TBC1D9B: variants seen among roughly 807,000 people sequenced by gnomAD.
The protein encoded by TBC1D9B is TBC1 domain family member 9B.
TBC1D9B carries 87 observed loss-of-function variants against 121.1 expected under a neutral mutation model. The observed-to-expected ratio is 0.72, with a 90% CI of 0.60 to 0.86. The LOEUF (loss-of-function observed/expected upper bound fraction) is 0.86. TBC1D9B is among the 40% of genes least tolerant of loss of function. The pLI is 0.00. For missense variants in TBC1D9B, 1,540 were observed against 1,628.6 expected, an observed-to-expected ratio of 0.95 and a Z score of 0.94; for synonymous variants, 668 against 670.1, an observed-to-expected ratio of 1.00 and a Z score of 0.05.
Position 179,868,166 on chromosome 5 carries a change from G to C in TBC1D9B, c.2792-317C>G, listed in dbSNP as rs143651185. ...GATTCTCCCACCTCAGCCTCCCAAA[G>C]TGCTGGGATTACAGGCGTGAGCCAC... is the stretch of plus-strand genomic sequence containing the variant. On this transcript the variant is annotated intron_variant, in intron 17 of 20. Coordinates refer to ENST00000355235, the MANE Select transcript of TBC1D9B (RefSeq NM_015043.4). The C allele has an allele frequency of 4.7e-3, 925 of 194,764 alleles. 17 individuals carry two copies. In the East Asian group the frequency reaches 0.069, roughly 15 times the overall value. 12.1% of individuals were successfully genotyped at this position (194,764 alleles called of 1,614,324 possible).
In TBC1D9B at chr5:179,864,062, G is replaced by T. The variant is rs201894738; in HGVS notation, c.3088C>A (p.Leu1030Met). ...GCCACGGTGGCGATGGCGTGGTACA[G>T]GTCCTGCTCCATGGGGTCTTCACTG... Reference protein sequence around the residue: ...MFSEDPMEQDLYHAIATVASL... With the variant: ...MFSEDPMEQDMYHAIATVASL... The change falls in exon 21 of 21, where the codon CTG becomes ATG. Residue 1030 changes from leucine (L) to methionine (M), a missense_variant. By Grantham distance (15) the Leu-to-Met change is conservative (BLOSUM62 2). Coordinates refer to ENST00000355235, the MANE Select transcript of TBC1D9B (RefSeq NM_015043.4). 5.9e-5 allele frequency: 95 copies of T among 1,613,590 alleles called. 1 individual carries two copies. Among genetic ancestry groups the T allele is most frequent in the Non-Finnish European group, 1.0e-5 (12 of 1,180,042 alleles).
rs1443539005 is a variant in TBC1D9B, at chr5:179,907,194, G to A, written c.118+510C>T. Among the ~76,000 whole-genome samples, 1 of 152,174 alleles carries A rather than the reference G, an allele frequency of 6.6e-6. No homozygotes were observed. Among genetic ancestry groups the A allele is most frequent in the African/African-American group, 2.4e-5 (1 of 41,454 alleles). ...GGGAGGAGAAGCTGGGGGAATGGGG[G>A]TGCGGCCAGCTCCAGGGACCTCTGA... On this transcript the variant is annotated intron_variant, in intron 1 of 20. Coordinates refer to ENST00000355235, the MANE Select transcript of TBC1D9B (RefSeq NM_015043.4). This position sits in a 1 kb window ranked among gnomAD's most constrained non-coding sequence, Gnocchi z 5.3.
At chr5:179,867,611 C>A in intron 18 of TBC1D9B, 167 bp downstream of exon 18, 1 of 1,487,794 alleles carries the variant, frequency 6.7e-7, no homozygotes, top group Non-Finnish European at 9.2e-7. Context: ...CGGCCCCAGC[C>A]CCCGCCAGCA....
At chr5:179,906,633 A>G (rs1470590027) in intron 1 of TBC1D9B, among the ~76,000 whole-genome samples, 1 of 152,208 alleles carries the variant, frequency 6.6e-6, no homozygotes, top group Non-Finnish European at 1.5e-5. Flanking sequence ...AGGCGGGTCC[A>G]GAACAGGAGC....
rs30385 is a variant in TBC1D9B at position 179,865,010 on chromosome 5, T to C, written c.3021+244A>G. On this transcript the variant is annotated intron_variant, in intron 20 of 20. Transcript: ENST00000355235. The surrounding 1 kb of genome is among the most constrained non-coding windows in gnomAD (Gnocchi z 5.1). ...TTGTCAAAGGTAGCCTACAAGCCTC[T>C]GGCTCCTGGTTCACAGACACTCACT... Among the ~76,000 whole-genome samples, 89,157 of 152,152 alleles carry C rather than the reference T, an allele frequency of 0.59. 29,078 individuals are homozygous for C. Among genetic ancestry groups the C allele is most frequent in the African/African-American group, 0.86 (35,887 of 41,542 alleles).
Position 179,865,697 on chromosome 5 carries a change from G to A in TBC1D9B, c.2914+141C>T, listed in dbSNP as rs1014006279. ...GAGCGTGGAGCCTCCTGTGCATCCCGAGGCCTGCTCCCTGATCGGGGGACG... is the reference window on the plus strand; with the variant it reads ...GAGCGTGGAGCCTCCTGTGCATCCCAAGGCCTGCTCCCTGATCGGGGGACG... On this transcript the variant is annotated intron_variant, in intron 19 of 20. Coordinates refer to ENST00000355235, the MANE Select transcript of TBC1D9B (RefSeq NM_015043.4). This position sits in a 1 kb window ranked among gnomAD's most constrained non-coding sequence, Gnocchi z 5.1. 1.2e-5 allele frequency: 12 copies of A among 973,850 alleles called. No individual in the cohort carries two copies. Among genetic ancestry groups the A allele is most frequent in the Middle Eastern group, 3.1e-4 (1 of 3,272 alleles). The allele number at this position is 973,850 out of a possible 1,614,324, so 60.3% of individuals were successfully genotyped here.
At position 179,875,883 on chromosome 5, in the gene TBC1D9B, T is replaced by G. The variant is rs369593203; in HGVS notation, c.1900+37A>C. On this transcript the variant is annotated intron_variant, in intron 11 of 20. Coordinates refer to ENST00000355235, the MANE Select transcript of TBC1D9B (RefSeq NM_015043.4). This position sits in a 1 kb window ranked among gnomAD's most constrained non-coding sequence, Gnocchi z 4.5. ...CACCCTCATGGAACCAGCAGGCACC[T>G]GGAGACCCAGGCGAGGCAGCACCCG... 19 of 1,532,126 alleles carry G rather than the reference T, an allele frequency of 1.2e-5. No homozygotes were observed. The highest frequency in any genetic ancestry group is 1.7e-5 in the Non-Finnish European group (19 of 1,133,590). 94.9% of individuals were successfully genotyped at this position (1,532,126 alleles called of 1,614,324 possible).
At chr5:179,906,197 T>A (rs1231439702) in intron 1 of TBC1D9B, among the ~76,000 whole-genome samples, 3 of 152,224 alleles carry the variant, frequency 2.0e-5, no homozygotes, top group African/African-American at 7.2e-5. Context: ...AGGACAGTAC[T>A]CAGGAGGCCA....
chr5:179,907,726 G>A lies in TBC1D9B; in HGVS notation c.96C>T (p.His32=). The change falls in exon 1 of 21, where the codon CAC becomes CAT. Residue 32 remains histidine (H), a synonymous_variant. Coordinates refer to ENST00000355235, the MANE Select transcript of TBC1D9B (RefSeq NM_015043.4). This position sits in a 1 kb window ranked among gnomAD's most constrained non-coding sequence, Gnocchi z 5.3. Reference sequence around the variant, plus strand: ...CACCCGTAAGGCCGCCGCCCCTGCCGTGGCCCCGGCGTCGCTGCAGCACGA... The same window carrying A: ...CACCCGTAAGGCCGCCGCCCCTGCCATGGCCCCGGCGTCGCTGCAGCACGA... ...PFFVLQRRRG[H]GRGGGLTGLL... 3.4e-6 allele frequency: 4 copies of A among 1,183,332 alleles called. No homozygotes were observed. Among genetic ancestry groups the A allele is most frequent in the South Asian group, 1.5e-5 (1 of 64,692 alleles). The allele number at this position is 1,183,332 out of a possible 1,614,324, so 73.3% of individuals were successfully genotyped here. A position where few individuals can be genotyped will look rare whatever the true frequency, so the allele number is the denominator to read the frequency against.
Position 179,891,548 on chromosome 5 carries a change from G to A in TBC1D9B, c.875C>T (p.Ala292Val). ...CTCATCCCTGGGCAGCCGGAACGTG[G>A]CTCGGTAGCACTCATTCTTGGCTCG... Reference protein sequence around the residue: ...DARAKNECYRATFRLPRDERL... With the variant: ...DARAKNECYRVTFRLPRDERL... The change falls in exon 6 of 21, where the codon GCC becomes GTC. Residue 292 changes from alanine (A) to valine (V), a missense_variant. Ala to Val is a moderately conservative substitution (Grantham distance 64, BLOSUM62 0). Coordinates refer to ENST00000355235, the MANE Select transcript of TBC1D9B (RefSeq NM_015043.4). The surrounding 1 kb of genome is among the most constrained non-coding windows in gnomAD (Gnocchi z 4.3). 6.2e-7 allele frequency: 1 copy of A among 1,613,838 alleles called. No homozygotes were observed.
chr5:179,891,090 A>C lies in TBC1D9B; in HGVS notation c.1044+289T>G, dbSNP rs566930012. Reference sequence around the variant, plus strand: ...GGGCCCAGAAGGCAGGCCTGATGGAAACTCACGCGTGGGAGACCCTGTCTC... The same window carrying C: ...GGGCCCAGAAGGCAGGCCTGATGGACACTCACGCGTGGGAGACCCTGTCTC... On this transcript the variant is annotated intron_variant, in intron 6 of 20. Transcript: ENST00000355235. This position sits in a 1 kb window ranked among gnomAD's most constrained non-coding sequence, Gnocchi z 4.3. 5.3e-5 allele frequency among the ~76,000 whole-genome samples: 8 copies of C among 152,310 alleles called. No homozygotes were observed. The East Asian group carries it at 1.2e-3, about 22-fold the overall frequency.
At chr5:179,888,023 G>A (rs1760741917) in intron 7 of TBC1D9B, 80 bp downstream of exon 7, 1 of 1,561,042 alleles carries the variant, frequency 6.4e-7, no homozygotes, top group Non-Finnish European at 8.8e-7. Flanking sequence ...CATGGGGTCA[G>A]GCTCCAGCGG....
At chr5:179,867,984 C>G (rs1461821846) in intron 17 of TBC1D9B, 135 bp from the exon 18 acceptor site, 2 of 648,868 alleles carry the variant, frequency 3.1e-6, no homozygotes, top group African/African-American at 1.8e-5. Context: ...CTGCCCATGA[C>G]AGTGCCCGGT....
chr5:179,870,175 C>T lies in TBC1D9B; in HGVS notation c.2725+80G>A, dbSNP rs1036543978. ...CCCTACTTGCTGCAGGGGGAACAGA[C>T]AGGAGATGCTGGCATTTGGAGGCTT... On this transcript the variant is annotated intron_variant, in intron 16 of 20. Coordinates refer to ENST00000355235, the MANE Select transcript of TBC1D9B (RefSeq NM_015043.4). The T allele has an allele frequency of 4.4e-6, 7 of 1,577,832 alleles. No individual in the cohort carries two copies. The African/African-American group carries it at 9.4e-5, about 21-fold the overall frequency.
Position 179,904,918 on chromosome 5 carries a change from G to A in TBC1D9B, c.119-106C>T. 1.2e-6 allele frequency: 1 copy of A among 834,138 alleles called. No individual in the cohort carries two copies. The highest frequency in any genetic ancestry group is 2.9e-5 in the East Asian group (1 of 33,900). The allele number at this position is 834,138 out of a possible 1,614,324, so 51.7% of individuals were successfully genotyped here. On this transcript the variant is annotated intron_variant, in intron 1 of 20. Coordinates refer to ENST00000355235, the MANE Select transcript of TBC1D9B (RefSeq NM_015043.4). This position sits in a 1 kb window ranked among gnomAD's most constrained non-coding sequence, Gnocchi z 4.2. ...GACAGGATGGTGACGCTACCCAAAG[G>A]GTCCAGCCCAACGAGGGAAACGTCC...
At chr5:179,877,727 G>A (rs190357723) in intron 10 of TBC1D9B, among the ~76,000 whole-genome samples, 153 of 151,474 alleles carry the variant, frequency 1.0e-3, no homozygotes, top group African/African-American at 3.5e-3. Context: ...ATATGATGGA[G>A]CCTGAGAAAG....
chr5:179,875,692 T>C lies in TBC1D9B; in HGVS notation c.1900+228A>G, dbSNP rs1403024377. On this transcript the variant is annotated intron_variant, in intron 11 of 20. Coordinates refer to ENST00000355235, the MANE Select transcript of TBC1D9B (RefSeq NM_015043.4). The surrounding 1 kb of genome is among the most constrained non-coding windows in gnomAD (Gnocchi z 4.5). ...GGTTACATGGGGGATATATACTCTC[T>C]AGTTTTGATGTTTGAAATTTTCCAT... 6.6e-6 allele frequency among the ~76,000 whole-genome samples: 1 copy of C among 152,248 alleles called. No homozygotes were observed. The highest frequency in any genetic ancestry group is 1.5e-5 in the Non-Finnish European group (1 of 68,044).
At chr5:179,901,824 A>G (rs2113650615) in intron 2 of TBC1D9B, among the ~76,000 whole-genome samples, 1 of 152,376 alleles carries the variant, frequency 6.6e-6, no homozygotes, top group East Asian at 1.9e-4. Context: ...AAGTAACTCA[A>G]TCTTCATTTC....
At chr5:179,896,873 CCT>C (rs891604423) in intron 3 of TBC1D9B, among the ~76,000 whole-genome samples, 1 of 152,044 alleles carries the variant, frequency 6.6e-6, no homozygotes, top group Non-Finnish European at 1.5e-5. Context: ...GTTTTGTCAT[CCT>C]CTCTCTTTAG....
Sources: gnomAD v4.1 joint callset for allele counts (sites outside exome capture counted in the v4.1 genomes callset) on GRCh38, gnomAD v4.1.1 for gene constraint, Gnocchi (gnomAD v3.1) non-coding constraint, MANE v1.5 for transcripts, NCBI Gene and HGNC (gene_info 2026-07-23, HGNC 2026-07-21) for gene names.